TJP3: variants seen among roughly 807,000 people sequenced by gnomAD.
The protein encoded by TJP3 is tight junction protein ZO-3.
In TJP3, 85 loss-of-function variants were observed where a neutral mutation model predicts 104.2. The ratio of observed to expected loss-of-function variants is 0.82; its 90% CI spans 0.68 to 0.98. The LOEUF is 0.98. TJP3 is among the 50% of genes least tolerant of loss of function. The pLI is 0.00. For missense variants in TJP3, 1,367 were observed against 1,322.8 expected (o/e 1.03, Z -0.52); for synonymous variants, 550 against 550.6 (o/e 1.00, Z 0.02).
chr19:3,750,491 C>A (rs1014077377), intron 20 of TJP3, 91 bp from the exon 21 acceptor site: 3 of 1,115,490 alleles, frequency 2.7e-6, no homozygotes, highest in African/African-American at 3.1e-5. Context: ...CTGCCCACAC[C>A]CACTGTGCCT....
chr19:3,724,315 C>A (rs999456846), intron 1 of TJP3, among the ~76,000 whole-genome samples: 2 of 152,056 alleles, frequency 1.3e-5, no homozygotes, highest in African/African-American at 4.8e-5. Context: ...CCTGCCTCAG[C>A]CTCCTGAGTA....
intron 1 of TJP3, among the ~76,000 whole-genome samples, chr19:3,717,246 C>G (rs11085036): frequency 1.4e-5 from 2 of 145,184 alleles, no homozygotes; most frequent in Non-Finnish European, 3.1e-5. Context: ...ATTACAGGCA[C>G]GAGCCACCAC....
At chr19:3,749,040 T>A (rs1341313239) in intron 19 of TJP3, among the ~76,000 whole-genome samples, 1 of 150,910 alleles carries the variant, frequency 6.6e-6, no homozygotes, top group Non-Finnish European at 1.5e-5. Context: ...TTTTTTTTTT[T>A]AAGGTATTCT....
chr19:3,750,548 A>G, intron 20 of TJP3, 34 bp from the exon 21 acceptor site: 1 of 1,540,550 alleles, frequency 6.5e-7, no homozygotes, highest in Non-Finnish European at 8.9e-7. Flanking sequence ...CACCCTTCCC[A>G]CCCACAGCAT....
At chr19:3,720,643 GT>G (rs2036532623) in intron 1 of TJP3, among the ~76,000 whole-genome samples, 1 of 151,742 alleles carries the variant, frequency 6.6e-6, no homozygotes, top group African/African-American at 2.4e-5. Flanking sequence ...AGTAAGGAAT[GT>G]GGGGGTGCAG....
chr19:3,747,294 C>T (rs1481187658), intron 18 of TJP3, among the ~76,000 whole-genome samples: 1 of 152,170 alleles, frequency 6.6e-6, no homozygotes, highest in Admixed American at 6.5e-5. Context: ...CTCCTGACCT[C>T]AGGCGATCCA....
chr19:3,735,261 A>G (rs1279737583), intron 8 of TJP3, among the ~76,000 whole-genome samples: 1 of 152,040 alleles, frequency 6.6e-6, no homozygotes, highest in African/African-American at 2.4e-5. Flanking sequence ...GTGCAGTGGC[A>G]TGATCTTGGC....
intron 6 of TJP3, among the ~76,000 whole-genome samples, chr19:3,733,362 C>G (rs934495644): frequency 6.6e-6 from 1 of 152,174 alleles, no homozygotes; most frequent in African/African-American, 2.4e-5. Context: ...AGTTATCTCC[C>G]AGAAGATTGT....
intron 13 of TJP3, among the ~76,000 whole-genome samples, chr19:3,739,816 A>G (rs2036788703): frequency 6.6e-6 from 1 of 152,104 alleles, no homozygotes; most frequent in Non-Finnish European, 1.5e-5. Flanking sequence ...TCATAGCCAC[A>G]GCACAGCCTC....
At position 3,738,590 on chromosome 19, in the gene TJP3, G is replaced by C. The variant is rs749503450; in HGVS notation, c.1320G>C (p.Glu440Asp). 22 of 1,613,916 alleles carry C rather than the reference G, an allele frequency of 1.4e-5. No individual in the cohort carries two copies. The highest frequency in any genetic ancestry group is 1.9e-5 in the Non-Finnish European group (22 of 1,179,944). The change falls in exon 12 of 21, where the codon GAG becomes GAC. Residue 440 changes from glutamate (E) to aspartate (D), a missense_variant. By Grantham distance (45) the Glu-to-Asp change is conservative. Transcript: ENST00000541714. ...TGCCATTCCAGAACCTGACACGGGA[G>C]GAGGCAGTGCAGTTCCTGCTGGGGC... ...NDVPFQNLTR[E>D]EAVQFLLGLP...
At chr19:3,712,455 G>A (rs1027626364) in intron 1 of TJP3, among the ~76,000 whole-genome samples, 1 of 152,180 alleles carries the variant, frequency 6.6e-6, no homozygotes, top group Non-Finnish European at 1.5e-5. Context: ...TAGAAGCATG[G>A]AGAGGCAGCC....
At chr19:3,748,453 G>A (rs1351221984) in intron 19 of TJP3, among the ~76,000 whole-genome samples, 2 of 150,270 alleles carry the variant, frequency 1.3e-5, no homozygotes, top group Admixed American at 6.7e-5. Context: ...TGTATTTTTA[G>A]TAGAGACGGG....
At chr19:3,709,192 T>C (rs2036411396) in intron 1 of TJP3, among the ~76,000 whole-genome samples, 2 of 152,076 alleles carry the variant, frequency 1.3e-5, no homozygotes, top group African/African-American at 2.4e-5. Context: ...CTTGGCTCAC[T>C]GCAACCTCTG....
rs2036884538 is a variant in TJP3 at position 3,746,176 on chromosome 19, C to T, written c.2010+95C>T. 2.4e-6 allele frequency: 3 copies of T among 1,261,382 alleles called. No homozygotes were observed. The highest frequency in any genetic ancestry group is 3.0e-5 in the African/African-American group (2 of 67,524). The allele number at this position is 1,261,382 out of a possible 1,614,324, so 78.1% of individuals were successfully genotyped here. On this transcript the variant is annotated intron_variant, in intron 16 of 20. Coordinates refer to ENST00000541714, the MANE Select transcript of TJP3 (RefSeq NM_001267560.2). The surrounding 1 kb of genome is among the most constrained non-coding windows in gnomAD (Gnocchi z 4.1). ...TGTCCTGACCTGTTCTCAGCCCACA[C>T]CCCACAAGTGCAGTCTTCCATAGAG...
At chr19:3,720,177 C>G (rs779760807) in intron 1 of TJP3, among the ~76,000 whole-genome samples, 41 of 152,164 alleles carry the variant, frequency 2.7e-4, no homozygotes, top group Non-Finnish European at 4.9e-4. Context: ...TAGGTGAGAG[C>G]TGGTTTTAGA....
chr19:3,734,423 C>T lies in TJP3; in HGVS notation c.974C>T (p.Thr325Ile), dbSNP rs774512601. The T allele has an allele frequency of 8.1e-6, 13 of 1,608,166 alleles. No individual in the cohort carries two copies. The highest frequency in any genetic ancestry group is 1.1e-5 in the Non-Finnish European group (13 of 1,178,258). ...HAQRSPEASQ[T>I]DSPVESPRLR... ...CAGCGGAGCCCCGAGGCCAGCCAGA[C>T]CGACTCTCCCGTGTAAGTATCACCC... is the stretch of plus-strand genomic sequence containing the variant. The change falls in exon 8 of 21, where the codon ACC becomes ATC. Residue 325 changes from threonine (T) to isoleucine (I), a missense_variant. Transcript: ENST00000541714.
intron 1 of TJP3, among the ~76,000 whole-genome samples, chr19:3,723,808 A>AATATAT (rs201031463): frequency 1.2e-4 from 15 of 128,944 alleles, no homozygotes; most frequent in South Asian, 1.0e-3. Flanking sequence ...AAAAAAAAAA[A>AATATAT]ATATATATAT....
At chr19:3,719,768 A>G (rs903664097) in intron 1 of TJP3, among the ~76,000 whole-genome samples, 2 of 151,388 alleles carry the variant, frequency 1.3e-5, no homozygotes, top group Non-Finnish European at 2.9e-5. Context: ...GGGAAGACAT[A>G]TAACCTTCAT....
At chr19:3,719,042 C>G (rs71339202) in intron 1 of TJP3, among the ~76,000 whole-genome samples, 1 of 150,696 alleles carries the variant, frequency 6.6e-6, no homozygotes, top group Non-Finnish European at 1.5e-5. Flanking sequence ...AAATTAGCCA[C>G]GCGTGGTGGC....
Sources: allele counts gnomAD v4.1 joint callset (sites outside exome capture counted in the v4.1 genomes callset), GRCh38; gene constraint gnomAD v4.1.1; non-coding constraint Gnocchi (gnomAD v3.1); transcripts MANE v1.5; gene names NCBI Gene and HGNC (gene_info 2026-07-23, HGNC 2026-07-21).